PCDHGA4: variants seen among roughly 807,000 people sequenced by gnomAD.
PCDHGA4 encodes the protein protocadherin gamma subfamily A, 4.
Under a neutral mutation model 54.6 loss-of-function variants are expected in PCDHGA4, and 38 were observed. The observed-to-expected ratio is 0.70, with a 90% CI of 0.54 to 0.91. PCDHGA4 has a LOEUF of 0.91. Ranked by LOEUF, PCDHGA4 falls within the 40% of genes least tolerant of loss-of-function variation. The pLI, the probability that PCDHGA4 is intolerant of heterozygous loss-of-function variation, is 0.00. For synonymous variants in PCDHGA4, 511 were observed against 512.9 expected, an observed-to-expected ratio of 1.00 and a Z score of 0.05; for missense variants, 1,298 against 1,220.9, an observed-to-expected ratio of 1.06 and a Z score of -0.94.
chr5:141,424,434 T>C (rs2096821185), intron 1 of PCDHGA4: 1 of 151,048 alleles, frequency 6.6e-6, no homozygotes, highest in Admixed American at 6.6e-5. Flanking sequence ...GAGGAAATAA[T>C]TGAATTATTG....
chr5:141,447,181 G>C (rs442221), intron 1 of PCDHGA4, among the ~76,000 whole-genome samples: 152,246 of 152,338 alleles, frequency 1, 76,078 homozygotes, highest in Middle Eastern at 1. Context: ...CTCTTGTCGC[G>C]CAGGCTGGAG....
At position 141,410,538 on chromosome 5, in the gene PCDHGA4, T is replaced by C. The variant is rs373020361; in HGVS notation, c.2514+52917T>C. The C allele has an allele frequency of 5.6e-6, 9 of 1,613,830 alleles. No homozygotes were observed. The South Asian group carries it at 7.7e-5, about 14-fold the overall frequency. On this transcript the variant is annotated intron_variant, in intron 1 of 3. Transcript: ENST00000571252. ...GTGCCCCTACATTCCAATGAAGACA[T>C]GGTTTGCAGTGTTTCTCCTGGAGCC...
chr5:141,482,546 A>G (rs1489817593), intron 1 of PCDHGA4, among the ~76,000 whole-genome samples: 1 of 151,868 alleles, frequency 6.6e-6, no homozygotes, highest in Non-Finnish European at 1.5e-5. Context: ...AAAAAAAAAA[A>G]AAAGATAATG....
At position 141,503,992 on chromosome 5, in the gene PCDHGA4, A is replaced by G. The variant is rs1419698681; in HGVS notation, c.2574-1401A>G. 2.6e-5 allele frequency among the ~76,000 whole-genome samples: 4 copies of G among 152,116 alleles called. No homozygotes were observed. In the East Asian group the frequency reaches 7.7e-4, roughly 29 times the overall value. ...GGTGCCAAACCCTTCTTCTTACCTTACAGTCACTTAACTGTCTCTGCTGGT... is the reference window on the plus strand; with the variant it reads ...GGTGCCAAACCCTTCTTCTTACCTTGCAGTCACTTAACTGTCTCTGCTGGT... On this transcript the variant is annotated intron_variant, in intron 2 of 3. Transcript: ENST00000571252.
At chr5:141,403,509 A>G in intron 1 of PCDHGA4, 1 of 1,614,002 alleles carries the variant, frequency 6.2e-7, no homozygotes, top group Non-Finnish European at 8.5e-7. Context: ...CAGACTGGAG[A>G]CAATGGAGCC....
chr5:141,502,694 G>A (rs1039264846), intron 2 of PCDHGA4, among the ~76,000 whole-genome samples: 5 of 152,180 alleles, frequency 3.3e-5, no homozygotes, highest in African/African-American at 1.2e-4. Flanking sequence ...ATCCTTGCCT[G>A]TATCTGTTTT....
chr5:141,408,060 T>G (rs2095034623), intron 1 of PCDHGA4: 1 of 1,324,738 alleles, frequency 7.5e-7, no homozygotes, highest in Admixed American at 2.9e-5. Flanking sequence ...GCCTCCCGGC[T>G]GCGCAGACCT....
intron 1 of PCDHGA4, chr5:141,418,106 G>T (rs2096223296): frequency 6.2e-7 from 1 of 1,613,954 alleles, no homozygotes. Flanking sequence ...GCAGAGCGGG[G>T]ACTTACTTGT....
At chr5:141,421,352 A>T in intron 1 of PCDHGA4, 1 of 1,613,946 alleles carries the variant, frequency 6.2e-7, no homozygotes, top group Non-Finnish European at 8.5e-7. Context: ...GAGACCGAAA[A>T]GGGCTCCTTC....
intron 1 of PCDHGA4, chr5:141,407,888 C>T (rs769893466): frequency 2.6e-6 from 1 of 388,626 alleles, no homozygotes; most frequent in Non-Finnish European, 4.6e-6. Flanking sequence ...TTTCGGAGAC[C>T]GAATTCAAAA....
At position 141,500,184 on chromosome 5, in the gene PCDHGA4, TTTTATTTATTTATTTA is replaced by T. The variant is rs58019021; in HGVS notation, c.2574-5182_2574-5167del. Among the ~76,000 whole-genome samples the T allele has an allele frequency of 2.1e-3, 289 of 135,964 alleles. 1 individual carries two copies. Among genetic ancestry groups the T allele is most frequent in the Middle Eastern group, 0.016 (4 of 248 alleles). The allele number at this position is 135,964 out of a possible 152,430, so 89.2% of individuals were successfully genotyped here. A position where few individuals can be genotyped will look rare whatever the true frequency, so the allele number is the denominator to read the frequency against. On this transcript the variant is annotated intron_variant, in intron 2 of 3. Coordinates refer to ENST00000571252, the MANE Select transcript of PCDHGA4 (RefSeq NM_018917.4). ...GAACATGCATGAGCTTCATTTTTAT[TTTTATTTATTTATTTA>T]TTTATTTATTTATTTATTTATTTAT...
intron 1 of PCDHGA4, among the ~76,000 whole-genome samples, chr5:141,452,375 G>A (rs1239059045): frequency 2.0e-5 from 3 of 152,194 alleles, no homozygotes; most frequent in African/African-American, 7.2e-5. Context: ...TTTTAGTAGG[G>A]AATAGTATTT....
chr5:141,414,498 C>CT (rs748856262), intron 1 of PCDHGA4: 40 of 1,613,848 alleles, frequency 2.5e-5, no homozygotes, highest in Non-Finnish European at 3.3e-5. Context: ...CGGAAGCTCA[C>CT]TTTATGCTAC....
At chr5:141,405,410 T>C (rs1483035668) in intron 1 of PCDHGA4, 2 of 1,557,296 alleles carry the variant, frequency 1.3e-6, no homozygotes, top group Non-Finnish European at 1.8e-6. Context: ...TTCTTTTCTT[T>C]TTTTGTTTTT....
At chr5:141,453,922 T>C (rs2098777315) in intron 1 of PCDHGA4, among the ~76,000 whole-genome samples, 1 of 152,230 alleles carries the variant, frequency 6.6e-6, no homozygotes, top group African/African-American at 2.4e-5. Context: ...CAGTGATCAG[T>C]CACTGTGTGC....
chr5:141,370,817 A>C, intron 1 of PCDHGA4: 1 of 1,614,046 alleles, frequency 6.2e-7, no homozygotes, highest in Non-Finnish European at 8.5e-7. Context: ...CTGAGCTGGA[A>C]ATCAGCGAAC....
At chr5:141,456,687 A>G (rs1053490307) in intron 1 of PCDHGA4, among the ~76,000 whole-genome samples, 1 of 152,156 alleles carries the variant, frequency 6.6e-6, no homozygotes. Context: ...ATTACTGGCC[A>G]GGCGTGGTGG....
Position 141,431,228 on chromosome 5 carries a change from GC to G in PCDHGA4, c.2515-63577del. The G allele has an allele frequency of 6.2e-7, 1 of 1,614,118 alleles. No homozygotes were observed. Among genetic ancestry groups the G allele is most frequent in the Non-Finnish European group, 8.5e-7 (1 of 1,180,030 alleles). On this transcript the variant is annotated intron_variant, in intron 1 of 3. Transcript: ENST00000571252. This position sits in a 1 kb window ranked among gnomAD's most constrained non-coding sequence, Gnocchi z 4.8. ...TGAGATGCGGTTCCCTCTACCCCAC[GC>G]CTGGGATCCGGATATCGGGAAGAAC...
intron 2 of PCDHGA4, among the ~76,000 whole-genome samples, chr5:141,500,812 T>C: frequency 6.6e-6 from 1 of 152,322 alleles, no homozygotes; most frequent in South Asian, 2.1e-4. Flanking sequence ...CATATGAATA[T>C]ACATATTATT....
Sources: allele counts gnomAD v4.1 joint callset (sites outside exome capture counted in the v4.1 genomes callset), GRCh38; gene constraint gnomAD v4.1.1; non-coding constraint Gnocchi (gnomAD v3.1); transcripts MANE v1.5; gene names NCBI Gene and HGNC (gene_info 2026-07-23, HGNC 2026-07-21).